Variants in STAG1 observed in about 807,000 individuals in gnomAD.
STAG1 encodes the protein STAG1 cohesin complex component.
STAG1 carries 26 observed loss-of-function variants against 170.9 expected under a neutral mutation model. That is an observed-to-expected ratio of 0.15 (90% CI 0.11 to 0.21). The LOEUF is 0.21. STAG1 is among the 10% of genes least tolerant of loss of function. The pLI is 1.00. For missense variants in STAG1, 964 were observed against 1,509.5 expected (o/e 0.64, Z 5.99); for synonymous variants, 514 against 497.7 (o/e 1.03, Z -0.44).
rs142456636 is a variant in STAG1 at position 136,612,803 on chromosome 3, C to T, written c.133-8330G>A. On this transcript the variant is annotated intron_variant, in intron 3 of 33. Transcript: ENST00000383202. ...TGTTAGCCATTTACCAAATAATGGG[C>T]ATCTGGGTCACCACTGTTAGGCAAT... Among the ~76,000 whole-genome samples the T allele has an allele frequency of 2.7e-4, 41 of 152,286 alleles. No individual in the cohort carries two copies. In the East Asian group the frequency reaches 7.9e-3, roughly 29 times the overall value.
chr3:136,457,569 G>A (rs1312914110), intron 13 of STAG1, among the ~76,000 whole-genome samples: 1 of 152,046 alleles, frequency 6.6e-6, no homozygotes, highest in African/African-American at 2.4e-5. Flanking sequence ...CCCACTTTAT[G>A]CACTCATTCT....
chr3:136,563,955 G>A (rs1358111052), intron 5 of STAG1, among the ~76,000 whole-genome samples: 2 of 151,888 alleles, frequency 1.3e-5, no homozygotes, highest in African/African-American at 4.8e-5. Flanking sequence ...CCCAGGCGGC[G>A]GAGGTTGCAG....
At chr3:136,403,259 G>GAA (rs2087388475) in intron 21 of STAG1, among the ~76,000 whole-genome samples, 3 of 83,478 alleles carry the variant, frequency 3.6e-5, no homozygotes. Context: ...AAAAAGAAAA[G>GAA]AAAAGAAAAA....
At chr3:136,343,264 C>G (rs1936058185) in intron 30 of STAG1, among the ~76,000 whole-genome samples, 1 of 152,172 alleles carries the variant, frequency 6.6e-6, no homozygotes, top group Non-Finnish European at 1.5e-5. Flanking sequence ...CTACAATTTT[C>G]AGAGGTCTGT....
At chr3:136,370,636 T>C (rs1937281050) in intron 23 of STAG1, among the ~76,000 whole-genome samples, 1 of 152,204 alleles carries the variant, frequency 6.6e-6, no homozygotes, top group East Asian at 1.9e-4. Flanking sequence ...TTGTGATAGT[T>C]TGCTGAGAGT....
rs1285904231 is a variant in STAG1 at position 136,336,536 on chromosome 3, C to G, written c.*1718G>C. ...GCCAGGGCACCTCATGGCTTGCTCC[C>G]TGGCCAAAACCACAGGCAGGCAGGG... On this transcript the variant is annotated 3_prime_UTR_variant, in exon 34 of 34. Coordinates refer to ENST00000383202, the MANE Select transcript of STAG1 (RefSeq NM_005862.3). The G allele has an allele frequency of 6.6e-6, 1 of 152,258 alleles. No individual in the cohort carries two copies. The highest frequency in any genetic ancestry group is 2.1e-4 in the South Asian group (1 of 4,838). 9.4% of individuals were successfully genotyped at this position (152,258 alleles called of 1,614,324 possible). A position where few individuals can be genotyped will look rare whatever the true frequency, so the allele number is the denominator to read the frequency against.
Position 136,369,178 on chromosome 3 carries a change from G to A in STAG1, c.2475C>T (p.Leu825=). The A allele has an allele frequency of 1.2e-6, 2 of 1,603,280 alleles. No homozygotes were observed. The highest frequency in any genetic ancestry group is 1.7e-6 in the Non-Finnish European group (2 of 1,177,002). ...TCACAAAACTGAGGAGTTCAGATTG[G>A]AGTCCAGTATCTGGATTGAACACCA... ...QPLVFNPDTG[L]QSELLSFVMD... is the part of the protein sequence containing the mutation. Residue 825 remains leucine (L), a synonymous_variant, in exon 24 of 34, where the codon CTC becomes CTT. Coordinates refer to ENST00000383202, the MANE Select transcript of STAG1 (RefSeq NM_005862.3).
rs529768760 is a variant in STAG1, at chr3:136,595,274, C to T, written c.297+9035G>A. The stretch of plus-strand genomic sequence containing the variant: ...CCAAACTACTCTCATAGCCATCCTC[C>T]AATACCTATATTCACACAAACTTTC... On this transcript the variant is annotated intron_variant, in intron 4 of 33. Transcript: ENST00000383202. Among the ~76,000 whole-genome samples, 3 of 152,284 alleles carry T rather than the reference C, an allele frequency of 2.0e-5. No individual in the cohort carries two copies. The South Asian group carries it at 6.2e-4, about 32-fold the overall frequency.
chr3:136,611,162 T>A (rs946316932), intron 3 of STAG1, among the ~76,000 whole-genome samples: 1 of 152,190 alleles, frequency 6.6e-6, no homozygotes, highest in African/African-American at 2.4e-5. Context: ...AATTTTTTTT[T>A]CTTTTAGACA....
intron 22 of STAG1, among the ~76,000 whole-genome samples, chr3:136,391,368 CTTT>C (rs5852844): frequency 8.0e-6 from 1 of 124,552 alleles, no homozygotes; most frequent in Non-Finnish European, 1.6e-5. Context: ...CTTTAGCCCT[CTTT>C]TTTTTTTTTT....
rs78526743 is a variant in STAG1, at chr3:136,532,742, A to G, written c.471+9377T>C. ...ACGCTTCATGATAAAAATTCTCAAT[A>G]AACTAGGCAAAAAAGGAATATACCT... On this transcript the variant is annotated intron_variant, in intron 6 of 33. Coordinates refer to ENST00000383202, the MANE Select transcript of STAG1 (RefSeq NM_005862.3). Among the ~76,000 whole-genome samples, 982 of 152,322 alleles carry G rather than the reference A, an allele frequency of 6.4e-3. 17 individuals carry two copies. The highest frequency in any genetic ancestry group is 0.021 in the African/African-American group (882 of 41,562).
intron 7 of STAG1, among the ~76,000 whole-genome samples, chr3:136,510,930 T>C (rs988461110): frequency 6.6e-5 from 10 of 151,966 alleles, no homozygotes; most frequent in Admixed American, 5.9e-4. Context: ...CGCACCACCA[T>C]GCCCGGCTAA....
At chr3:136,463,255 G>C (rs2089326774) in intron 13 of STAG1, among the ~76,000 whole-genome samples, 1 of 152,110 alleles carries the variant, frequency 6.6e-6, no homozygotes, top group Admixed American at 6.6e-5. Context: ...TTTCTTAACA[G>C]AGATTTCTTA....
chr3:136,488,068 C>A (rs2090052056), intron 9 of STAG1, among the ~76,000 whole-genome samples: 1 of 152,194 alleles, frequency 6.6e-6, no homozygotes, highest in Non-Finnish European at 1.5e-5. Flanking sequence ...TAAGCTAGAA[C>A]CAGCTAGCTG....
At chr3:136,637,235 G>C (rs536633875) in intron 1 of STAG1, among the ~76,000 whole-genome samples, 78 of 152,288 alleles carry the variant, frequency 5.1e-4, no homozygotes, top group African/African-American at 1.8e-3. Context: ...AGATTTTGTA[G>C]CTCTTTCAGT....
chr3:136,418,212 T>C (rs548113805), intron 20 of STAG1, among the ~76,000 whole-genome samples: 1 of 151,278 alleles, frequency 6.6e-6, no homozygotes, highest in South Asian at 2.1e-4. Flanking sequence ...ACAAAAAAAT[T>C]AGCTGGGCAT....
chr3:136,449,972 G>C (rs1211376952), intron 14 of STAG1, among the ~76,000 whole-genome samples: 1 of 144,870 alleles, frequency 6.9e-6, no homozygotes, highest in Non-Finnish European at 1.5e-5. Flanking sequence ...ATAGCTTACT[G>C]CAGCCTGTGC....
At chr3:136,658,559 A>G (rs1474157652) in intron 1 of STAG1, among the ~76,000 whole-genome samples, 1 of 152,164 alleles carries the variant, frequency 6.6e-6, no homozygotes. Context: ...ATTTTTTAAG[A>G]CCCTAAGTAG....
chr3:136,541,593 T>C (rs1322633344), intron 6 of STAG1, among the ~76,000 whole-genome samples: 1 of 100,586 alleles, frequency 9.9e-6, no homozygotes, highest in South Asian at 3.5e-4. Context: ...CACCAGGGGT[T>C]TGGGAGAATT....
Sources: gnomAD v4.1 joint callset for allele counts (sites outside exome capture counted in the v4.1 genomes callset) on GRCh38, gnomAD v4.1.1 for gene constraint, MANE v1.5 for transcripts, NCBI Gene and HGNC (gene_info 2026-07-23, HGNC 2026-07-21) for gene names.